Variants in MAP3K13 observed in about 807,000 individuals in gnomAD.
MAP3K13 encodes mitogen-activated protein kinase kinase kinase 13.
In MAP3K13, 52 loss-of-function variants were observed where a neutral mutation model predicts 104.0. The observed-to-expected ratio is 0.50, with a 90% CI of 0.40 to 0.63. The LOEUF (loss-of-function observed/expected upper bound fraction) is 0.63, where lower values mean the gene tolerates loss of function less well. MAP3K13 is among the 20% of genes least tolerant of loss of function. MAP3K13 has a pLI of 0.00. For synonymous variants in MAP3K13, 394 were observed against 442.2 expected, an observed-to-expected ratio of 0.89 and a Z score of 1.37; for missense variants, 914 against 1,218.5, an observed-to-expected ratio of 0.75 and a Z score of 3.72.
chr3:185,441,269 G>T (rs1418674179), intron 3 of MAP3K13, among the ~76,000 whole-genome samples: 3 of 152,150 alleles, frequency 2.0e-5, no homozygotes, highest in Admixed American at 6.5e-5. Context: ...AAATAGAAGA[G>T]GTTCTTTCAT....
intron 2 of MAP3K13, among the ~76,000 whole-genome samples, chr3:185,300,326 A>G (rs1015222488): frequency 1.3e-5 from 2 of 150,782 alleles, no homozygotes; most frequent in African/African-American, 4.9e-5. Context: ...AGTAGCTGGG[A>G]CAGGCACCCG....
chr3:185,418,758 C>T lies in MAP3K13; in HGVS notation c.-85-9739C>T, dbSNP rs1198961534. The stretch of plus-strand genomic sequence containing the variant: ...CCCCCTTTTCGGAGTACACCGATAT[C>T]ATTGGGCGAGCACACGCCATGGCGG... On this transcript the variant is annotated intron_variant, in intron 1 of 13. Transcript: ENST00000265026. This position sits in a 1 kb window ranked among gnomAD's most constrained non-coding sequence, Gnocchi z 4.5. 1 of 1,607,632 alleles carries T rather than the reference C, an allele frequency of 6.2e-7. No homozygotes were observed. The highest frequency in any genetic ancestry group is 1.3e-5 in the African/African-American group (1 of 74,848).
chr3:185,455,662 A>C lies in MAP3K13; in HGVS notation c.1278+4267A>C, dbSNP rs559958685. ...TATATATGAGATATATATATGATAT[A>C]TATATGATATATATATGAGATATAT... is the stretch of plus-strand genomic sequence containing the variant. On this transcript the variant is annotated intron_variant, in intron 7 of 13. Coordinates refer to ENST00000265026, the MANE Select transcript of MAP3K13 (RefSeq NM_004721.5). Among the ~76,000 whole-genome samples the C allele has an allele frequency of 1.9e-3, 50 of 25,760 alleles. 4 individuals carry two copies. The highest frequency in any genetic ancestry group is 4.0e-3 in the African/African-American group (48 of 11,976). The allele number at this position is 25,760 out of a possible 152,430, so 16.9% of individuals were successfully genotyped here.
intron 2 of MAP3K13, among the ~76,000 whole-genome samples, chr3:185,305,418 A>G (rs565121450): frequency 2.2e-4 from 33 of 152,224 alleles, no homozygotes; most frequent in Admixed American, 7.8e-4. Flanking sequence ...TACTTTATCA[A>G]TCTCACAAAT....
chr3:185,413,512 T>C (rs542484513), intron 1 of MAP3K13, among the ~76,000 whole-genome samples: 6 of 152,268 alleles, frequency 3.9e-5, no homozygotes, highest in Admixed American at 3.9e-4. Flanking sequence ...GATGCAAGTA[T>C]AGAGTTTTAA....
intron 7 of MAP3K13, among the ~76,000 whole-genome samples, chr3:185,461,667 G>A (rs1717112652): frequency 6.6e-6 from 1 of 151,984 alleles, no homozygotes; most frequent in Non-Finnish European, 1.5e-5. Flanking sequence ...GGTTCAAGCG[G>A]TTCTCCTGCC....
At chr3:185,292,615 TACAG>T (rs1720783591) in intron 2 of MAP3K13, 1 of 978,478 alleles carries the variant, frequency 1.0e-6, no homozygotes, top group Admixed American at 6.2e-5. Context: ...AAATGTATAA[TACAG>T]ACAAAGGGTC....
chr3:185,294,305 T>C (rs1165479417), intron 2 of MAP3K13, among the ~76,000 whole-genome samples: 1 of 152,242 alleles, frequency 6.6e-6, no homozygotes, highest in African/African-American at 2.4e-5. Context: ...TAGGTGACTT[T>C]ATTATAGTGT....
chr3:185,461,504 ACTCT>A (rs202018699), intron 7 of MAP3K13, among the ~76,000 whole-genome samples: 8 of 61,166 alleles, frequency 1.3e-4, no homozygotes, highest in Non-Finnish European at 4.5e-4. Context: ...CCAGAAAGAT[ACTCT>A]TTCTATTATT....
intron 2 of MAP3K13, among the ~76,000 whole-genome samples, chr3:185,340,788 G>A (rs1202992761): frequency 2.6e-5 from 4 of 152,072 alleles, no homozygotes; most frequent in Non-Finnish European, 4.4e-5. Flanking sequence ...TTCCCCTGCT[G>A]GCACTCACTC....
At chr3:185,381,421 A>G (rs1435410026) in intron 1 of MAP3K13, among the ~76,000 whole-genome samples, 2 of 152,210 alleles carry the variant, frequency 1.3e-5, no homozygotes, top group African/African-American at 4.8e-5. Flanking sequence ...ATCTATTTTT[A>G]ACTCCCAAAT....
intron 2 of MAP3K13, chr3:185,328,574 A>G (rs1483380521): frequency 2.6e-5 from 4 of 152,224 alleles, no homozygotes; most frequent in East Asian, 1.9e-4. Context: ...AGAGGAAAGC[A>G]AGATATTTGA....
intron 3 of MAP3K13, among the ~76,000 whole-genome samples, chr3:185,442,900 T>G (rs1438829358): frequency 1.3e-5 from 2 of 151,904 alleles, no homozygotes; most frequent in Non-Finnish European, 2.9e-5. Flanking sequence ...AGTGCAGTGG[T>G]GCAATCTCGG....
At chr3:185,333,846 G>A (rs1374087190) in intron 2 of MAP3K13, among the ~76,000 whole-genome samples, 1 of 152,198 alleles carries the variant, frequency 6.6e-6, no homozygotes, top group African/African-American at 2.4e-5. Context: ...CTGAGCTCAG[G>A]AGTTCAAGAC....
intron 2 of MAP3K13, among the ~76,000 whole-genome samples, chr3:185,334,099 T>C (rs1722383771): frequency 6.6e-6 from 1 of 151,922 alleles, no homozygotes; most frequent in African/African-American, 2.4e-5. Context: ...CACACAGGAA[T>C]AAATCTTTCA....
chr3:185,422,438 G>A (rs114405493), intron 1 of MAP3K13, among the ~76,000 whole-genome samples: 111 of 152,212 alleles, frequency 7.3e-4, no homozygotes, highest in Non-Finnish European at 1.4e-3. Flanking sequence ...TATCAAACGC[G>A]TATGATGACT....
At chr3:185,446,988 C>T (rs1715624849) in intron 4 of MAP3K13, among the ~76,000 whole-genome samples, 3 of 152,198 alleles carry the variant, frequency 2.0e-5, no homozygotes, top group Non-Finnish European at 2.9e-5. Flanking sequence ...CTACCTTAGA[C>T]ATCCAGCGAG....
intron 1 of MAP3K13, among the ~76,000 whole-genome samples, chr3:185,368,663 G>A (rs1011132121): frequency 3.3e-5 from 5 of 151,936 alleles, no homozygotes; most frequent in African/African-American, 1.2e-4. Flanking sequence ...GGGAATGATA[G>A]AAAAGATGAA....
chr3:185,382,822 G>A (rs979760066), intron 1 of MAP3K13, among the ~76,000 whole-genome samples: 5 of 151,938 alleles, frequency 3.3e-5, no homozygotes, highest in African/African-American at 7.3e-5. Context: ...TGGCTAACAC[G>A]GTGAAACCCC....
Sources: gnomAD v4.1 joint callset for allele counts (sites outside exome capture counted in the v4.1 genomes callset) on GRCh38, gnomAD v4.1.1 for gene constraint, Gnocchi (gnomAD v3.1) non-coding constraint, MANE v1.5 for transcripts, NCBI Gene and HGNC (gene_info 2026-07-23, HGNC 2026-07-21) for gene names.